The following GABRG3 variants were observed in gnomAD, a reference collection of about 807,000 sequenced individuals.
GABRG3 encodes the protein gamma-aminobutyric acid type A receptor subunit gamma3, also known as gamma-aminobutyric acid receptor subunit gamma-3.
A neutral mutation model predicts 48.8 loss-of-function variants in GABRG3; 25 were observed. The ratio of observed to expected loss-of-function variants is 0.51; its 90% CI spans 0.37 to 0.72. GABRG3 has a LOEUF of 0.72. Among genes scored for constraint, GABRG3 ranks in the 30% least tolerant of loss-of-function variants. GABRG3 has a pLI of 0.00. For missense variants in GABRG3, 394 were observed against 577.9 expected (o/e 0.68, Z 3.26); for synonymous variants, 227 against 217.6 (o/e 1.04, Z -0.38).
At chr15:27,196,299 C>G (rs1017847247) in intron 3 of GABRG3, among the ~76,000 whole-genome samples, 3 of 152,144 alleles carry the variant, frequency 2.0e-5, no homozygotes, top group African/African-American at 7.2e-5. Context: ...AGACCTTGCT[C>G]CCCTGCTCCC....
chr15:27,525,558 C>A (rs534068091), intron 7 of GABRG3, among the ~76,000 whole-genome samples: 19 of 152,088 alleles, frequency 1.2e-4, no homozygotes, highest in Non-Finnish European at 1.8e-4. Flanking sequence ...ATAAAGCACA[C>A]GGCCATTGCC....
chr15:27,248,841 G>GAC (rs1291472543), intron 3 of GABRG3, among the ~76,000 whole-genome samples: 5 of 148,892 alleles, frequency 3.4e-5, no homozygotes, highest in South Asian at 4.3e-4. Flanking sequence ...GAGAGACAGA[G>GAC]AGAAGCTGCT....
chr15:27,503,419 C>T (rs566090802), intron 6 of GABRG3, among the ~76,000 whole-genome samples: 34 of 152,304 alleles, frequency 2.2e-4, no homozygotes, highest in Non-Finnish European at 2.1e-4. Context: ...CACCTTCACA[C>T]CCTCTTTAAC....
chr15:27,094,136 C>CT (rs1439344576), intron 3 of GABRG3, among the ~76,000 whole-genome samples: 4 of 152,176 alleles, frequency 2.6e-5, no homozygotes, highest in Admixed American at 2.6e-4. Context: ...ATTAAGCTGG[C>CT]TGCTTCCACG....
chr15:27,249,016 GC>G (rs1566979382), intron 3 of GABRG3, among the ~76,000 whole-genome samples: 1 of 152,078 alleles, frequency 6.6e-6, no homozygotes, highest in African/African-American at 2.4e-5. Context: ...CCCACTGTTT[GC>G]CCCGAGGAGA....
chr15:27,304,364 G>C (rs1892319268), intron 3 of GABRG3, among the ~76,000 whole-genome samples: 1 of 151,682 alleles, frequency 6.6e-6, no homozygotes, highest in Non-Finnish European at 1.5e-5. Context: ...TAAATCACAG[G>C]ATACAAGATC....
At chr15:27,197,469 A>G (rs888385380) in intron 3 of GABRG3, among the ~76,000 whole-genome samples, 1 of 143,384 alleles carries the variant, frequency 7.0e-6, no homozygotes. Flanking sequence ...TTTAACGGCT[A>G]TTTTTTTTTT....
At chr15:27,138,930 C>T (rs1413142468) in intron 3 of GABRG3, among the ~76,000 whole-genome samples, 1 of 151,942 alleles carries the variant, frequency 6.6e-6, no homozygotes, top group Non-Finnish European at 1.5e-5. Context: ...ATTTTAGGAG[C>T]TTTTTTCTGT....
chr15:27,307,100 T>C (rs1892589066), intron 3 of GABRG3, among the ~76,000 whole-genome samples: 1 of 125,064 alleles, frequency 8.0e-6, no homozygotes. Context: ...ACATATAATA[T>C]AAACATGTTT....
chr15:27,049,001 C>T (rs933858919), intron 3 of GABRG3, among the ~76,000 whole-genome samples: 1 of 152,246 alleles, frequency 6.6e-6, no homozygotes, highest in Admixed American at 6.5e-5. Context: ...GAGCCTCGGA[C>T]GCACAGCCTG....
At chr15:26,980,760 T>C (rs2140638010) in intron 2 of GABRG3, among the ~76,000 whole-genome samples, 1 of 152,304 alleles carries the variant, frequency 6.6e-6, no homozygotes, top group East Asian at 1.9e-4. Flanking sequence ...AACTTTTCCT[T>C]TTTGTACTTC....
At chr15:27,369,867 T>TGTGGGCACG (rs1851759774) in intron 5 of GABRG3, among the ~76,000 whole-genome samples, 1 of 143,630 alleles carries the variant, frequency 7.0e-6, no homozygotes, top group Non-Finnish European at 1.5e-5. Context: ...ACCTTTCAGA[T>TGTGGGCACG]GTGGGCACGG....
At chr15:26,986,154 G>A (rs952259070) in intron 2 of GABRG3, among the ~76,000 whole-genome samples, 32 of 152,106 alleles carry the variant, frequency 2.1e-4, no homozygotes, top group African/African-American at 6.8e-4. Context: ...ACAGCCCACC[G>A]TGCATACAAA....
At chr15:27,335,501 T>G (rs1893934362) in intron 5 of GABRG3, among the ~76,000 whole-genome samples, 1 of 152,242 alleles carries the variant, frequency 6.6e-6, no homozygotes, top group Non-Finnish European at 1.5e-5. Context: ...TAAGGATGTT[T>G]TAATACATGC....
intron 5 of GABRG3, among the ~76,000 whole-genome samples, chr15:27,372,456 A>G (rs1252686894): frequency 1.3e-5 from 2 of 152,282 alleles, no homozygotes; most frequent in Admixed American, 1.3e-4. Context: ...GCAGTGGAGC[A>G]GTCATAGCTT....
At chr15:27,004,071 G>C (rs546423123) in intron 2 of GABRG3, among the ~76,000 whole-genome samples, 1 of 149,176 alleles carries the variant, frequency 6.7e-6, no homozygotes, top group Non-Finnish European at 1.5e-5. Flanking sequence ...CTGACCCGGC[G>C]GGGGGCTGAC....
At chr15:27,175,281 G>C (rs1009382966) in intron 3 of GABRG3, among the ~76,000 whole-genome samples, 19 of 152,214 alleles carry the variant, frequency 1.2e-4, no homozygotes, top group African/African-American at 2.2e-4. Context: ...GGTTTAGGGG[G>C]TATGTGTTTG....
chr15:27,121,374 G>A (rs981403916), intron 3 of GABRG3, among the ~76,000 whole-genome samples: 2 of 152,222 alleles, frequency 1.3e-5, no homozygotes, highest in African/African-American at 4.8e-5. Flanking sequence ...CTTCAGAGAT[G>A]AGAGCCTTAA....
At chr15:27,309,880 C>T (rs1316357750) in intron 3 of GABRG3, among the ~76,000 whole-genome samples, 1 of 152,126 alleles carries the variant, frequency 6.6e-6, no homozygotes, top group Non-Finnish European at 1.5e-5. Context: ...TTTACAGCAG[C>T]TTTACTAATA....
Sources: gnomAD v4.1 joint callset for allele counts (sites outside exome capture counted in the v4.1 genomes callset) on GRCh38, gnomAD v4.1.1 for gene constraint, MANE v1.5 for transcripts, NCBI Gene and HGNC (gene_info 2026-07-23, HGNC 2026-07-21) for gene names.